The following SGSM1 variants were observed in gnomAD, a reference collection of about 807,000 sequenced individuals.
The protein encoded by SGSM1 is small G protein signaling modulator 1.
A neutral mutation model predicts 133.8 loss-of-function variants in SGSM1; 73 were observed. The ratio of observed to expected loss-of-function variants is 0.55; its 90% confidence interval spans 0.45 to 0.66. The LOEUF is 0.66. Among genes scored for constraint, SGSM1 ranks in the 30% least tolerant of loss-of-function variants. The probability of loss-of-function intolerance (pLI) is 0.00; values close to 1 mark genes in which losing one functional copy is unlikely to be tolerated. For synonymous variants in SGSM1, 563 were observed against 573.0 expected, an observed-to-expected ratio of 0.98 and a Z score of 0.25; for missense variants, 1,213 against 1,448.1, an observed-to-expected ratio of 0.84 and a Z score of 2.64.
At chr22:24,819,791 G>A (rs532747766) in intron 2 of SGSM1, among the ~76,000 whole-genome samples, 2 of 152,326 alleles carry the variant, frequency 1.3e-5, no homozygotes, top group Non-Finnish European at 2.9e-5. Context: ...AGGTCAGATG[G>A]AGGTGGTTAG....
chr22:24,853,343 C>G (rs1232257274), intron 5 of SGSM1, among the ~76,000 whole-genome samples: 1 of 152,180 alleles, frequency 6.6e-6, no homozygotes, highest in East Asian at 1.9e-4. Context: ...GCCTGAGATC[C>G]CTTGGGAGGT....
intron 2 of SGSM1, among the ~76,000 whole-genome samples, chr22:24,807,101 G>A (rs957450013): frequency 2.6e-5 from 4 of 152,038 alleles, no homozygotes; most frequent in Admixed American, 2.6e-4. Flanking sequence ...GAGAATCAGA[G>A]AGGTTCTGCC....
At chr22:24,908,044 G>A (rs11913911) in intron 21 of SGSM1, among the ~76,000 whole-genome samples, 3 of 151,724 alleles carry the variant, frequency 2.0e-5, no homozygotes, top group African/African-American at 7.3e-5. Context: ...AGAATTGAGA[G>A]CCCATAAGTA....
intron 21 of SGSM1, among the ~76,000 whole-genome samples, chr22:24,905,562 C>T (rs1043672327): frequency 6.6e-5 from 10 of 151,832 alleles, no homozygotes; most frequent in Admixed American, 2.6e-4. Context: ...CTGAGGCGGG[C>T]GGATCACAAG....
At chr22:24,888,938 C>CTTTTTTT (rs1234715475) in intron 16 of SGSM1, among the ~76,000 whole-genome samples, 16 of 79,948 alleles carry the variant, frequency 2.0e-4, no homozygotes, top group East Asian at 3.4e-4. Context: ...TCATAGTCAC[C>CTTTTTTT]TTTTTTTTTT....
At chr22:24,877,802 CTTTT>C (rs36036968) in intron 13 of SGSM1, among the ~76,000 whole-genome samples, 4 of 75,448 alleles carry the variant, frequency 5.3e-5, no homozygotes, top group African/African-American at 1.6e-4. Context: ...TTCTTTCTTT[CTTTT>C]TTTTTTTTTT....
intron 2 of SGSM1, among the ~76,000 whole-genome samples, chr22:24,810,893 C>G (rs1217587266): frequency 6.6e-6 from 1 of 152,118 alleles, no homozygotes; most frequent in African/African-American, 2.4e-5. Flanking sequence ...TGGAGAAAAA[C>G]GAGAGAAGCA....
At chr22:24,896,629 T>G (rs536502677) in intron 18 of SGSM1, among the ~76,000 whole-genome samples, 16 of 119,170 alleles carry the variant, frequency 1.3e-4, no homozygotes, top group East Asian at 1.3e-3. Context: ...GTTTTTTGGT[T>G]TTTTTTTTTT....
At chr22:24,902,231 T>G (rs1470890636) in intron 20 of SGSM1, among the ~76,000 whole-genome samples, 1 of 152,226 alleles carries the variant, frequency 6.6e-6, no homozygotes, top group Non-Finnish European at 1.5e-5. Context: ...TAGGTGACGA[T>G]GTGGAGGCTC....
chr22:24,834,529 CT>C (rs1207486467), intron 2 of SGSM1, among the ~76,000 whole-genome samples: 5 of 152,142 alleles, frequency 3.3e-5, no homozygotes, highest in Non-Finnish European at 7.4e-5. Flanking sequence ...CTCTGTAGAC[CT>C]TTACAGAAAA....
chr22:24,883,328 A>G (rs1351997119), intron 14 of SGSM1, among the ~76,000 whole-genome samples: 1 of 152,118 alleles, frequency 6.6e-6, no homozygotes, highest in Non-Finnish European at 1.5e-5. Context: ...TTTCTTTTGG[A>G]TAAATATTCA....
chr22:24,869,372 T>C (rs1286726060), intron 12 of SGSM1, among the ~76,000 whole-genome samples: 1 of 151,820 alleles, frequency 6.6e-6, no homozygotes, highest in Non-Finnish European at 1.5e-5. Flanking sequence ...ATACAAAAAT[T>C]AGCCAGGTGT....
At chr22:24,855,968 C>T (rs1313982212) in intron 8 of SGSM1, 1 of 581,528 alleles carries the variant, frequency 1.7e-6, no homozygotes, top group Non-Finnish European at 3.2e-6. Flanking sequence ...TTTACATTCA[C>T]CCATCCACCC....
At chr22:24,887,024 G>A (rs554933580) in intron 16 of SGSM1, among the ~76,000 whole-genome samples, 12 of 151,968 alleles carry the variant, frequency 7.9e-5, no homozygotes, top group African/African-American at 2.9e-4. Flanking sequence ...AAACTGTAAG[G>A]TAGTAAAATA....
At chr22:24,912,360 CTG>C (rs1184479016) in intron 21 of SGSM1, among the ~76,000 whole-genome samples, 4 of 152,130 alleles carry the variant, frequency 2.6e-5, no homozygotes, top group African/African-American at 4.8e-5. Context: ...CTCAGTTTTT[CTG>C]TAAATCAAAA....
rs763262687 is a variant in SGSM1 at position 24,868,744 on chromosome 22, C to T, written c.1180C>T (p.Arg394Cys). 56 of 1,613,988 alleles carry T rather than the reference C, an allele frequency of 3.5e-5. No homozygotes were observed. The highest frequency in any genetic ancestry group is 8.8e-5 in the South Asian group (8 of 91,080). ...GCAGGGCAAAGTGTTTCCTAAACTG[C>T]GCAAGCGAAGCCCTCAGGGTTCTGC... ...RGKGKVFPKL[R>C]KRSPQGSAES... Residue 394 changes from arginine (R) to cysteine (C), a missense_variant, in exon 12 of 25, where the codon CGC becomes TGC. Arg to Cys is a radical substitution (Grantham distance 180). Coordinates refer to ENST00000400358, the MANE Select transcript of SGSM1 (RefSeq NM_001098497.3).
At chr22:24,830,821 TC>T (rs1157292521) in intron 2 of SGSM1, among the ~76,000 whole-genome samples, 3 of 149,294 alleles carry the variant, frequency 2.0e-5, no homozygotes, top group Non-Finnish European at 4.5e-5. Flanking sequence ...TCCAGCCAGT[TC>T]CTAGGTGATG....
At chr22:24,837,912 T>C (rs1287245820) in intron 2 of SGSM1, among the ~76,000 whole-genome samples, 1 of 152,262 alleles carries the variant, frequency 6.6e-6, no homozygotes, top group African/African-American at 2.4e-5. Flanking sequence ...TAATCATATC[T>C]AAGATCTATA....
At chr22:24,814,380 T>C (rs1434943391) in intron 2 of SGSM1, among the ~76,000 whole-genome samples, 3 of 152,142 alleles carry the variant, frequency 2.0e-5, no homozygotes, top group Admixed American at 2.0e-4. Flanking sequence ...CCCTCTTTTA[T>C]GGATAAGGAA....
Sources: allele counts gnomAD v4.1 joint callset (sites outside exome capture counted in the v4.1 genomes callset), GRCh38; gene constraint gnomAD v4.1.1; transcripts MANE v1.5; gene names NCBI Gene and HGNC (gene_info 2026-07-23, HGNC 2026-07-21).